The following ABCC3 variants were observed in gnomAD, a reference collection of about 807,000 sequenced individuals.
ABCC3 encodes ATP-binding cassette sub-family C member 3.
A neutral mutation model predicts 165.3 loss-of-function variants in ABCC3; 121 were observed. The observed-to-expected ratio is 0.73, with a 90% CI of 0.63 to 0.85. The LOEUF (loss-of-function observed/expected upper bound fraction) is 0.85. ABCC3 is among the 40% of genes least tolerant of loss of function. The probability of loss-of-function intolerance (pLI) is 0.00; values close to 1 mark genes in which losing one functional copy is unlikely to be tolerated. For missense variants in ABCC3, 1,869 were observed against 1,964.1 expected (o/e 0.95, Z 0.92); for synonymous variants, 733 against 810.1 (o/e 0.90, Z 1.62).
At chr17:50,689,444 G>A (rs974019211) in intron 30 of ABCC3, among the ~76,000 whole-genome samples, 3 of 152,196 alleles carry the variant, frequency 2.0e-5, no homozygotes, top group Non-Finnish European at 4.4e-5. Flanking sequence ...ACTGGCCCTG[G>A]CCTGGCAGGC....
Position 50,673,004 on chromosome 17 carries a change from G to T in ABCC3, c.2275G>T (p.Val759Phe). The change falls in exon 18 of 31, where the codon GTC becomes TTC. Residue 759 changes from valine (V) to phenylalanine (F), a missense_variant. By Grantham distance (50) the Val-to-Phe change is conservative. Coordinates refer to ENST00000285238, the MANE Select transcript of ABCC3 (RefSeq NM_003786.4). ...CCTGTCTGGGGGCCAGCGGCAGCGGGTCAGTCTGGCTCGAGCTGTTTACAG... is the reference window on the plus strand; with the variant it reads ...CCTGTCTGGGGGCCAGCGGCAGCGGTTCAGTCTGGCTCGAGCTGTTTACAG... ...INLSGGQRQR[V>F]SLARAVYSDA... 1 of 1,614,056 alleles carries T rather than the reference G, an allele frequency of 6.2e-7. No homozygotes were observed. The highest frequency in any genetic ancestry group is 8.5e-7 in the Non-Finnish European group (1 of 1,180,010).
At position 50,691,140 on chromosome 17, in the gene ABCC3, C is replaced by A. The variant is rs758160640; in HGVS notation, c.4524C>A (p.Ala1508=). The stretch of plus-strand genomic sequence containing the variant: ...TAGTAGCTGAATTTGATTCTCCAGC[C>A]AACCTCATTGCAGCTAGAGGCATCT... ...KGVVAEFDSP[A]NLIAARGIFY... The change falls in exon 31 of 31, where the codon GCC becomes GCA. Residue 1508 remains alanine, a synonymous_variant. Transcript: ENST00000285238. The A allele has an allele frequency of 4.3e-6, 7 of 1,614,180 alleles. No homozygotes were observed. The highest frequency in any genetic ancestry group is 1.1e-5 in the South Asian group (1 of 91,082).
chr17:50,674,020 CTCTCTCTCTCTCTCTCTTTCTT>C (rs1967741183), intron 19 of ABCC3, among the ~76,000 whole-genome samples: 3 of 27,676 alleles, frequency 1.1e-4, no homozygotes, highest in East Asian at 6.7e-4. Flanking sequence ...CTCTCTCTCT[CTCTCTCTCTCTCTCTCTTTCTT>C]TCTTTCTTTC....
intron 1 of ABCC3, among the ~76,000 whole-genome samples, chr17:50,636,237 G>A (rs1205217208): frequency 6.6e-6 from 1 of 152,178 alleles, no homozygotes; most frequent in East Asian, 1.9e-4. Context: ...GCAGGCACGT[G>A]GGGTGTTACC....
chr17:50,642,443 C>A (rs997796560), intron 1 of ABCC3, among the ~76,000 whole-genome samples: 2 of 152,248 alleles, frequency 1.3e-5, no homozygotes, highest in East Asian at 3.8e-4. Context: ...GCCCCAAAGT[C>A]CCCTGGTTGT....
At chr17:50,658,357 T>C in intron 5 of ABCC3, 78 bp from the exon 6 acceptor site, 7 of 1,579,788 alleles carry the variant, frequency 4.4e-6, no homozygotes, top group Non-Finnish European at 5.2e-6. Flanking sequence ...GGAACAAGGG[T>C]CCCCTCCATT....
intron 1 of ABCC3, among the ~76,000 whole-genome samples, chr17:50,650,411 A>C (rs1967093466): frequency 6.6e-6 from 1 of 152,142 alleles, no homozygotes; most frequent in South Asian, 2.1e-4. Context: ...CCGGTCGCTA[A>C]CTTTTATTCT....
intron 1 of ABCC3, among the ~76,000 whole-genome samples, chr17:50,655,234 C>T (rs1314954211): frequency 2.0e-5 from 3 of 150,044 alleles, no homozygotes; most frequent in Non-Finnish European, 3.0e-5. Flanking sequence ...GGTGAAACCC[C>T]GTCTCTACTA....
At chr17:50,651,783 T>C (rs1967120670) in intron 1 of ABCC3, among the ~76,000 whole-genome samples, 1 of 152,314 alleles carries the variant, frequency 6.6e-6, no homozygotes, top group Non-Finnish European at 1.5e-5. Flanking sequence ...GAATTTTATC[T>C]TACATTCATT....
At chr17:50,670,020 A>G (rs1459534058) in intron 17 of ABCC3, among the ~76,000 whole-genome samples, 1 of 151,730 alleles carries the variant, frequency 6.6e-6, no homozygotes, top group Non-Finnish European at 1.5e-5. Context: ...GGCTCAGGAG[A>G]TCCTCCCACC....
chr17:50,658,337 G>A lies in ABCC3; in HGVS notation c.613-98G>A, dbSNP rs1464862265. 1.9e-6 allele frequency: 3 copies of A among 1,582,562 alleles called. No homozygotes were observed. The Admixed American group carries it at 5.0e-5, about 26-fold the overall frequency. On this transcript the variant is annotated intron_variant, in intron 5 of 30. Transcript: ENST00000285238. ...TCATCCCCACAATCTGTAAACTGGG[G>A]CTTGGAGCAGGAACAAGGGTCCCCT...
intron 1 of ABCC3, among the ~76,000 whole-genome samples, chr17:50,640,423 C>G (rs1037791613): frequency 6.6e-6 from 1 of 152,226 alleles, no homozygotes; most frequent in Non-Finnish European, 1.5e-5. Flanking sequence ...TGAACCAAAG[C>G]CCCTTCCAGA....
intron 17 of ABCC3, among the ~76,000 whole-genome samples, chr17:50,672,161 A>T (rs8075406): frequency 0.66 from 100,617 of 151,934 alleles, 33,439 homozygotes; most frequent in South Asian, 0.69. Flanking sequence ...GGTAAATGCC[A>T]CCCCTCAATC....
chr17:50,655,304 G>T (rs1452802596), intron 1 of ABCC3, among the ~76,000 whole-genome samples: 2 of 149,738 alleles, frequency 1.3e-5, no homozygotes, highest in Non-Finnish European at 3.0e-5. Context: ...TACTCAGGAG[G>T]CTGAGGCAGG....
Position 50,663,827 on chromosome 17 carries a change from G to T in ABCC3, c.1145G>T (p.Arg382Leu). 1 of 1,614,148 alleles carries T rather than the reference G, an allele frequency of 6.2e-7. No individual in the cohort carries two copies. The change falls in exon 9 of 31, where the codon CGT becomes CTT. Residue 382 changes from arginine to leucine, a missense_variant. By Grantham distance (102) the Arg-to-Leu change is moderately radical. Transcript: ENST00000285238. ...ATCTTTGTGACTGGGGTGAAGTTTC[G>T]TACTGGGATCATGGGTGTCATCTAC... ...HYIFVTGVKF[R>L]TGIMGVIYRK...
chr17:50,679,239 A>G (rs1967885992), intron 25 of ABCC3: 1 of 152,436 alleles, frequency 6.6e-6, no homozygotes, highest in African/African-American at 2.4e-5. Flanking sequence ...TTAATACCTC[A>G]GGTGGCTCAA....
rs369265497 is a variant in ABCC3 at position 50,687,778 on chromosome 17, G to T, written c.4475+48G>T. 4 of 1,581,338 alleles carry T rather than the reference G, an allele frequency of 2.5e-6. No individual in the cohort carries two copies. In the African/African-American group the frequency reaches 5.4e-5, roughly 21 times the overall value. Reference sequence around the variant, plus strand: ...ATGGGGAACCTGGTGGGGCCACCTGGGGCATCAGGAATGGGCAGGGCAGAT... The same window carrying T: ...ATGGGGAACCTGGTGGGGCCACCTGTGGCATCAGGAATGGGCAGGGCAGAT... On this transcript the variant is annotated intron_variant, in intron 30 of 30. Transcript: ENST00000285238.
intron 14 of ABCC3, 31 bp downstream of exon 14, chr17:50,668,548 C>G (rs201747263): frequency 5.2e-6 from 8 of 1,549,896 alleles, no homozygotes; most frequent in Non-Finnish European, 7.1e-6. Flanking sequence ...GGCTGCCTGC[C>G]CCAGTCCTTG....
rs1967570683 is a variant in ABCC3, at chr17:50,668,379, T to C, written c.1783-51T>C. The C allele has an allele frequency of 3.9e-6, 6 of 1,523,422 alleles. No individual in the cohort carries two copies. The African/African-American group carries it at 6.9e-5, about 17-fold the overall frequency. The allele number at this position is 1,523,422 out of a possible 1,614,324, so 94.4% of individuals were successfully genotyped here. On this transcript the variant is annotated intron_variant, in intron 13 of 30. Transcript: ENST00000285238. Reference sequence around the variant, plus strand: ...GCTGGGGATGGGGCGAGGGTAGGGGTTGGGGGTTGGGAAAGTACAGTCTCT... The same window carrying C: ...GCTGGGGATGGGGCGAGGGTAGGGGCTGGGGGTTGGGAAAGTACAGTCTCT...
Sources: gnomAD v4.1 joint callset for allele counts (sites outside exome capture counted in the v4.1 genomes callset) on GRCh38, gnomAD v4.1.1 for gene constraint, MANE v1.5 for transcripts, NCBI Gene and HGNC (gene_info 2026-07-23, HGNC 2026-07-21) for gene names.